AP2B1: variants seen among roughly 807,000 people sequenced by gnomAD.
AP2B1 encodes the protein adaptor related protein complex 2 subunit beta 1, also known as AP-2 complex subunit beta.
Under a neutral mutation model 102.0 loss-of-function variants are expected in AP2B1, and 23 were observed. That is an observed-to-expected ratio of 0.23 (90% CI 0.16 to 0.32). The LOEUF (loss-of-function observed/expected upper bound fraction) is 0.32, where lower values mean the gene tolerates loss of function less well. Ranked by LOEUF, AP2B1 falls within the 10% of genes least tolerant of loss-of-function variation. AP2B1 has a pLI of 1.00. For missense variants in AP2B1, 541 were observed against 1,157.4 expected (o/e 0.47, Z 7.73); for synonymous variants, 381 against 421.2 (o/e 0.90, Z 1.17).
chr17:35,661,587 G>A (rs911546344), intron 14 of AP2B1, among the ~76,000 whole-genome samples: 8 of 152,198 alleles, frequency 5.3e-5, no homozygotes, highest in African/African-American at 1.9e-4. Flanking sequence ...AAGTTGACTG[G>A]AAGTTGAATT....
chr17:35,686,872 A>G (rs2075945229), intron 18 of AP2B1, among the ~76,000 whole-genome samples: 1 of 152,094 alleles, frequency 6.6e-6, no homozygotes, highest in South Asian at 2.1e-4. Context: ...AGGCTGAGGC[A>G]GGAGAATGGC....
chr17:35,654,677 C>G (rs11651380), intron 13 of AP2B1, among the ~76,000 whole-genome samples: 11,115 of 152,116 alleles, frequency 0.073, 470 homozygotes, highest in Middle Eastern at 0.11. Context: ...AGCAGGCTAA[C>G]CTACTTTCAT....
intron 20 of AP2B1, among the ~76,000 whole-genome samples, chr17:35,711,266 G>C (rs775130185): frequency 1.3e-5 from 2 of 151,906 alleles, no homozygotes; most frequent in Non-Finnish European, 2.9e-5. Flanking sequence ...GTGCTTGGTC[G>C]GTACCTCCTC....
chr17:35,689,723 TAAATC>T (rs1482876851), intron 18 of AP2B1, among the ~76,000 whole-genome samples: 2 of 152,228 alleles, frequency 1.3e-5, no homozygotes, highest in Non-Finnish European at 2.9e-5. Flanking sequence ...ACATTGAAAT[TAAATC>T]AAACAAATTC....
intron 9 of AP2B1, among the ~76,000 whole-genome samples, chr17:35,629,044 G>C (rs922441084): frequency 6.6e-6 from 1 of 152,014 alleles, no homozygotes; most frequent in Admixed American, 6.5e-5. Flanking sequence ...TGCCTCCCGG[G>C]CTCAAGCGAC....
At chr17:35,675,251 T>A (rs892754764) in intron 17 of AP2B1, among the ~76,000 whole-genome samples, 1 of 152,246 alleles carries the variant, frequency 6.6e-6, no homozygotes. Flanking sequence ...CTTAATGGCA[T>A]GTCCATTCAT....
chr17:35,709,194 C>T, intron 18 of AP2B1, 30 bp from the exon 19 acceptor site: 3 of 1,603,810 alleles, frequency 1.9e-6, no homozygotes, highest in Non-Finnish European at 2.6e-6. Flanking sequence ...CCTGCGATGT[C>T]CTCATTTGAC....
In AP2B1 at chr17:35,665,196, G is replaced by A. The variant is rs550581822; in HGVS notation, c.1990-5661G>A. ...GGCTAGAAAGCAGTGGCACTATCAC[G>A]ACATACTGCAGCCTTGACCTCCCTG... is the stretch of plus-strand genomic sequence containing the variant. On this transcript the variant is annotated intron_variant, in intron 14 of 21. Coordinates refer to ENST00000610402, the MANE Select transcript of AP2B1 (RefSeq NM_001030006.2). 4.5e-4 allele frequency among the ~76,000 whole-genome samples: 61 copies of A among 134,498 alleles called. 1 individual carries two copies. The highest frequency in any genetic ancestry group is 1.4e-3 in the African/African-American group (50 of 35,254). 88.2% of individuals were successfully genotyped at this position (134,498 alleles called of 152,430 possible). A position where few individuals can be genotyped will look rare whatever the true frequency, so the allele number is the denominator to read the frequency against.
intron 20 of AP2B1, among the ~76,000 whole-genome samples, chr17:35,715,408 A>G (rs1312531740): frequency 6.6e-6 from 1 of 152,254 alleles, no homozygotes; most frequent in Non-Finnish European, 1.5e-5. Flanking sequence ...CCCTTGCCAC[A>G]TGTATATGCT....
In AP2B1 at chr17:35,650,807, GTC is replaced by G; in HGVS notation, c.1796+22_1796+23del. 8 of 1,609,362 alleles carry G rather than the reference GTC, an allele frequency of 5.0e-6. No homozygotes were observed. The highest frequency in any genetic ancestry group is 6.0e-6 in the Non-Finnish European group (7 of 1,176,420). ...CATGGGAGGTAAGAAGGTGTGAACT[GTC>G]TCTGAGTGAGAAATGACTCTTGTTT... On this transcript the variant is annotated intron_variant, in intron 13 of 21. Coordinates refer to ENST00000610402, the MANE Select transcript of AP2B1 (RefSeq NM_001030006.2).
chr17:35,723,537 A>G, intron 21 of AP2B1, 88 bp from the exon 22 acceptor site: 1 of 849,446 alleles, frequency 1.2e-6, no homozygotes, highest in Non-Finnish European at 2.0e-6. Context: ...CCACTGTGTC[A>G]AAAGTTTTCT....
At chr17:35,662,360 A>G (rs574928430) in intron 14 of AP2B1, among the ~76,000 whole-genome samples, 1 of 152,214 alleles carries the variant, frequency 6.6e-6, no homozygotes, top group African/African-American at 2.4e-5. Flanking sequence ...AAACTGAACT[A>G]TCGCTTTGAT....
chr17:35,592,322 C>T (rs1344017389), intron 1 of AP2B1, among the ~76,000 whole-genome samples: 1 of 151,982 alleles, frequency 6.6e-6, no homozygotes, highest in African/African-American at 2.4e-5. Flanking sequence ...ATTTTGAGTA[C>T]AGAAGGAATA....
intron 1 of AP2B1, among the ~76,000 whole-genome samples, chr17:35,590,289 A>G (rs1419200157): frequency 6.6e-6 from 1 of 152,158 alleles, no homozygotes. Flanking sequence ...CATATCTAGC[A>G]TGTGATTAAG....
intron 20 of AP2B1, among the ~76,000 whole-genome samples, chr17:35,711,004 G>A (rs587645854): frequency 3.3e-5 from 5 of 152,146 alleles, no homozygotes; most frequent in South Asian, 4.1e-4. Flanking sequence ...AAAGAGCTCC[G>A]TACTCTTTCA....
intron 21 of AP2B1, among the ~76,000 whole-genome samples, chr17:35,720,541 TTATTTATATATATATA>T (rs1352705269): frequency 9.5e-6 from 1 of 105,264 alleles, no homozygotes; most frequent in Non-Finnish European, 1.9e-5. Context: ...TATTTTTATT[TTATTTATATATATATA>T]TATATATATA....
intron 1 of AP2B1, among the ~76,000 whole-genome samples, chr17:35,589,126 G>A (rs2073000468): frequency 6.6e-6 from 1 of 152,160 alleles, no homozygotes; most frequent in African/African-American, 2.4e-5. Context: ...TTTGTAGTCT[G>A]TTATGTTTAA....
rs146573316 is a variant in AP2B1, at chr17:35,671,818, T to C, written c.2096T>C (p.Val699Ala). Residue 699 changes from valine (V) to alanine (A), a missense_variant, in exon 16 of 22, where the codon GTG becomes GCG. Transcript: ENST00000610402. ...TTTGCTCCTTCACCTACACCTGCTG[T>C]GGTCAGCAGTGGACTGAATGACCTG... ...ATFAPSPTPAVVSSGLNDLFE... is the reference protein window; with the variant it reads ...ATFAPSPTPAAVSSGLNDLFE... The C allele has an allele frequency of 1.0e-4, 168 of 1,613,688 alleles. No homozygotes were observed. The highest frequency in any genetic ancestry group is 1.3e-4 in the Non-Finnish European group (153 of 1,179,730).
Position 35,638,737 on chromosome 17 carries a change from C to T in AP2B1, c.1272-858C>T, listed in dbSNP as rs556017212. 3.5e-3 allele frequency among the ~76,000 whole-genome samples: 527 copies of T among 149,878 alleles called. 10 individuals are homozygous for T. The highest frequency in any genetic ancestry group is 0.033 in the Admixed American group (495 of 14,974). Reference sequence around the variant, plus strand: ...CCGGGAGGCGGAGCTTGCAGTGAGCCGGGATCGTGCCACTGCACTCCAGCC... The same window carrying T: ...CCGGGAGGCGGAGCTTGCAGTGAGCTGGGATCGTGCCACTGCACTCCAGCC... On this transcript the variant is annotated intron_variant, in intron 10 of 21. Coordinates refer to ENST00000610402, the MANE Select transcript of AP2B1 (RefSeq NM_001030006.2).
Sources: allele counts gnomAD v4.1 joint callset (sites outside exome capture counted in the v4.1 genomes callset), GRCh38; gene constraint gnomAD v4.1.1; transcripts MANE v1.5; gene names NCBI Gene and HGNC (gene_info 2026-07-23, HGNC 2026-07-21).